The following HNF4G variants were observed in gnomAD, a reference collection of about 807,000 sequenced individuals.
HNF4G encodes the protein hepatocyte nuclear factor 4-gamma.
HNF4G carries 21 observed loss-of-function variants against 50.9 expected under a neutral mutation model. The observed-to-expected ratio is 0.41, with a 90% confidence interval of 0.29 to 0.59. HNF4G has a LOEUF of 0.59. Among genes scored for constraint, HNF4G ranks in the 20% least tolerant of loss-of-function variants. The pLI is 0.26. For missense variants in HNF4G, 527 were observed against 559.4 expected, an observed-to-expected ratio of 0.94 and a Z score of 0.58; for synonymous variants, 198 against 185.6, an observed-to-expected ratio of 1.07 and a Z score of -0.54.
At chr8:75,431,673 AT>A (rs965646531) in intron 1 of HNF4G, among the ~76,000 whole-genome samples, 1 of 152,182 alleles carries the variant, frequency 6.6e-6, no homozygotes, top group African/African-American at 2.4e-5. Flanking sequence ...CACGCCTGTA[AT>A]CCCAGCACTT....
intron 2 of HNF4G, among the ~76,000 whole-genome samples, chr8:75,527,531 A>G (rs535341689): frequency 6.6e-6 from 1 of 152,346 alleles, no homozygotes; most frequent in African/African-American, 2.4e-5. Context: ...ACATATATAT[A>G]CACAGACATA....
At chr8:75,517,109 A>T (rs1805907247) in intron 2 of HNF4G, among the ~76,000 whole-genome samples, 1 of 152,152 alleles carries the variant, frequency 6.6e-6, no homozygotes, top group Admixed American at 6.5e-5. Context: ...ACCATCAGAT[A>T]TCATGAGACT....
Position 75,553,950 on chromosome 8 carries a change from G to A in HNF4G, c.645+753G>A, listed in dbSNP as rs182965527. 3.9e-5 allele frequency among the ~76,000 whole-genome samples: 6 copies of A among 152,062 alleles called. No individual in the cohort carries two copies. In the East Asian group the frequency reaches 5.8e-4, roughly 15 times the overall value. On this transcript the variant is annotated intron_variant, in intron 5 of 9. Transcript: ENST00000396423. ...TTTGGTTTCAGATTCATTTTGAACC[G>A]TTCTTACTAAGTAGGGTATAATTTT...
intron 2 of HNF4G, among the ~76,000 whole-genome samples, chr8:75,534,148 C>T (rs1806400765): frequency 6.6e-6 from 1 of 151,898 alleles, no homozygotes; most frequent in Admixed American, 6.6e-5. Flanking sequence ...CCACCACAAT[C>T]TTAAATATTC....
chr8:75,542,446 A>G (rs1305343524), intron 1 of HNF4G, among the ~76,000 whole-genome samples: 1 of 151,996 alleles, frequency 6.6e-6, no homozygotes, highest in Non-Finnish European at 1.5e-5. Context: ...TAGCTAGCTC[A>G]AAGAAACGTT....
chr8:75,415,557 A>G (rs1285874358), intron 1 of HNF4G, among the ~76,000 whole-genome samples: 1 of 152,212 alleles, frequency 6.6e-6, no homozygotes, highest in African/African-American at 2.4e-5. Flanking sequence ...ACTAATAAAT[A>G]TCAATACAAC....
At chr8:75,513,078 C>T (rs1230610117) in intron 2 of HNF4G, among the ~76,000 whole-genome samples, 1 of 152,118 alleles carries the variant, frequency 6.6e-6, no homozygotes, top group Non-Finnish European at 1.5e-5. Flanking sequence ...GCTCTTGTCC[C>T]ACAGGCTGGA....
intron 1 of HNF4G, among the ~76,000 whole-genome samples, chr8:75,414,200 G>A (rs1188865789): frequency 6.6e-6 from 1 of 151,874 alleles, no homozygotes. Context: ...GGCAACCACC[G>A]ATCTGATTTC....
At chr8:75,450,014 C>T (rs1025219383) in intron 1 of HNF4G, among the ~76,000 whole-genome samples, 1 of 152,040 alleles carries the variant, frequency 6.6e-6, no homozygotes, top group African/African-American at 2.4e-5. Flanking sequence ...TCCTTTTATT[C>T]CCCACCACCT....
In HNF4G at chr8:75,564,176, C is replaced by A. The variant is rs1807398281; in HGVS notation, c.*80C>A. The stretch of plus-strand genomic sequence containing the variant: ...AAATATCTCAGGATAGCACTTTTGG[C>A]AAACTCTTAGCCAAGGCTTCTTCAT... On this transcript the variant is annotated 3_prime_UTR_variant, in exon 10 of 10. Transcript: ENST00000396423. 1 of 1,465,634 alleles carries A rather than the reference C, an allele frequency of 6.8e-7. No individual in the cohort carries two copies. The highest frequency in any genetic ancestry group is 1.4e-5 in the African/African-American group (1 of 71,718). 90.8% of individuals were successfully genotyped at this position (1,465,634 alleles called of 1,614,324 possible).
rs186011659 is a variant in HNF4G at position 75,469,977 on chromosome 8, C to T, written c.-143-20112C>T. ...AAGGGCTCACTCAACTGCTGGAGCC[C>T]GGGCTATCTTCTCTTTCCCATTCAC... is the stretch of plus-strand genomic sequence containing the variant. On this transcript the variant is annotated intron_variant, in intron 1 of 10. Transcript: ENST00000354370. 4.6e-5 allele frequency among the ~76,000 whole-genome samples: 7 copies of T among 152,194 alleles called. No homozygotes were observed. In the East Asian group the frequency reaches 7.7e-4, roughly 17 times the overall value.
At chr8:75,561,628 T>G (rs1233656926) in intron 9 of HNF4G, among the ~76,000 whole-genome samples, 1 of 152,182 alleles carries the variant, frequency 6.6e-6, no homozygotes, top group Non-Finnish European at 1.5e-5. Flanking sequence ...TAGGTAGCTG[T>G]TTGCAGACTG....
chr8:75,545,457 A>G (rs1806749140), intron 2 of HNF4G, among the ~76,000 whole-genome samples: 1 of 152,144 alleles, frequency 6.6e-6, no homozygotes, highest in Non-Finnish European at 1.5e-5. Context: ...TCCTATTAAG[A>G]ATGCTACTGC....
At chr8:75,560,303 G>A in intron 8 of HNF4G, 41 bp from the exon 9 acceptor site, 2 of 1,602,014 alleles carry the variant, frequency 1.2e-6, no homozygotes, top group Non-Finnish European at 1.7e-6. Context: ...TGCTGTTCCT[G>A]ATTAAATATC....
At chr8:75,452,162 C>G (rs1811599839) in intron 1 of HNF4G, among the ~76,000 whole-genome samples, 1 of 152,034 alleles carries the variant, frequency 6.6e-6, no homozygotes, top group African/African-American at 2.4e-5. Flanking sequence ...TGGTATTCAA[C>G]AAATTCAAAA....
chr8:75,508,576 C>T (rs748745422), intron 2 of HNF4G, among the ~76,000 whole-genome samples: 2 of 152,106 alleles, frequency 1.3e-5, no homozygotes, highest in African/African-American at 4.8e-5. Flanking sequence ...AGTAGGTATA[C>T]AGCTTTAAGA....
chr8:75,549,700 C>T (rs1806890425), intron 3 of HNF4G, among the ~76,000 whole-genome samples: 1 of 151,746 alleles, frequency 6.6e-6, no homozygotes, highest in Admixed American at 6.6e-5. Context: ...TGCTGGTGTG[C>T]TGCACCCATT....
chr8:75,558,174 C>T (rs991072077), intron 6 of HNF4G, among the ~76,000 whole-genome samples: 1 of 152,148 alleles, frequency 6.6e-6, no homozygotes, highest in Non-Finnish European at 1.5e-5. Flanking sequence ...GTATTGTAGT[C>T]ATTAGTGAAT....
chr8:75,493,706 G>A (rs999962320), intron 2 of HNF4G, among the ~76,000 whole-genome samples: 26 of 152,032 alleles, frequency 1.7e-4, no homozygotes, highest in African/African-American at 6.0e-4. Flanking sequence ...GCTTCATAGT[G>A]TTTTTTACCT....
Sources: allele counts gnomAD v4.1 joint callset (sites outside exome capture counted in the v4.1 genomes callset), GRCh38; gene constraint gnomAD v4.1.1; transcripts MANE v1.5; gene names NCBI Gene and HGNC (gene_info 2026-07-23, HGNC 2026-07-21).